Variants in PHF21B observed in about 807,000 individuals in gnomAD.
PHF21B encodes PHD finger protein 21B, also known as PHD finger protein 4.
A neutral mutation model predicts 62.2 loss-of-function variants in PHF21B; 22 were observed. The observed-to-expected ratio is 0.35, with a 90% CI of 0.25 to 0.51. The LOEUF (loss-of-function observed/expected upper bound fraction) is 0.51. Ranked by LOEUF, PHF21B falls within the 20% of genes least tolerant of loss-of-function variation. PHF21B has a pLI of 0.97. For synonymous variants in PHF21B, 341 were observed against 314.7 expected, an observed-to-expected ratio of 1.08 and a Z score of -0.88; for missense variants, 701 against 707.9, an observed-to-expected ratio of 0.99 and a Z score of 0.11.
intron 5 of PHF21B, 35 bp downstream of exon 5, chr22:44,913,787 G>T (rs1377532623): frequency 6.3e-7 from 1 of 1,591,264 alleles, no homozygotes; most frequent in Non-Finnish European, 8.6e-7. Flanking sequence ...TGCAGACTGA[G>T]CAGGGCCTGG....
chr22:44,969,675 GAA>G (rs1177013713), intron 2 of PHF21B, among the ~76,000 whole-genome samples: 3 of 150,192 alleles, frequency 2.0e-5, no homozygotes, highest in Admixed American at 1.3e-4. Flanking sequence ...CAAAAAAAAA[GAA>G]AAAGAAAAAG....
At chr22:44,972,598 CT>C (rs2072660896) in intron 2 of PHF21B, among the ~76,000 whole-genome samples, 1 of 152,240 alleles carries the variant, frequency 6.6e-6, no homozygotes, top group African/African-American at 2.4e-5. Flanking sequence ...CCTGACATGG[CT>C]CCTCAGTGGA....
intron 2 of PHF21B, among the ~76,000 whole-genome samples, chr22:44,995,681 G>A (rs550746434): frequency 9.0e-4 from 137 of 152,228 alleles, no homozygotes; most frequent in African/African-American, 3.1e-3. Flanking sequence ...TCTTCGGCGC[G>A]TCGAGTCTGA....
chr22:45,008,515 C>A (rs2073367108), intron 2 of PHF21B, 30 bp downstream of exon 2: 5 of 1,531,736 alleles, frequency 3.3e-6, no homozygotes, highest in Non-Finnish European at 4.4e-6. Flanking sequence ...CCCGCCCCAT[C>A]CCAGGGGGGG....
At chr22:44,891,463 C>G (rs1185133214) in intron 7 of PHF21B, 103 bp from the exon 8 acceptor site, 1 of 1,374,618 alleles carries the variant, frequency 7.3e-7, no homozygotes, top group East Asian at 2.4e-5. Flanking sequence ...GGGTTCCCAC[C>G]CAGGGCTCCA....
At chr22:44,938,707 A>G (rs1696984750) in intron 2 of PHF21B, among the ~76,000 whole-genome samples, 1 of 152,194 alleles carries the variant, frequency 6.6e-6, no homozygotes. Flanking sequence ...TCTGGAATGG[A>G]ATCAATATTC....
At chr22:44,899,040 T>C (rs1385724210) in intron 5 of PHF21B, among the ~76,000 whole-genome samples, 1 of 152,198 alleles carries the variant, frequency 6.6e-6, no homozygotes, top group African/African-American at 2.4e-5. Flanking sequence ...CTCAAGGCTT[T>C]AGGGTCTATT....
chr22:44,923,552 A>T (rs972396782), intron 2 of PHF21B, among the ~76,000 whole-genome samples: 5 of 152,206 alleles, frequency 3.3e-5, no homozygotes, highest in African/African-American at 4.8e-5. Context: ...ATGGAAAGAG[A>T]ATGTTAGGAA....
chr22:44,938,952 A>G (rs1480831865), intron 2 of PHF21B, among the ~76,000 whole-genome samples: 1 of 152,234 alleles, frequency 6.6e-6, no homozygotes, highest in East Asian at 1.9e-4. Context: ...GAAAAGCAGG[A>G]GCTGGTTGAG....
At chr22:44,952,698 T>C (rs1189465395) in intron 2 of PHF21B, among the ~76,000 whole-genome samples, 1 of 152,234 alleles carries the variant, frequency 6.6e-6, no homozygotes, top group Non-Finnish European at 1.5e-5. Context: ...ATGTTTACAG[T>C]TGAAAAAGAG....
chr22:44,920,822 C>T (rs1447520487), intron 2 of PHF21B, among the ~76,000 whole-genome samples: 1 of 152,170 alleles, frequency 6.6e-6, no homozygotes, highest in Non-Finnish European at 1.5e-5. Context: ...GGTGTGATGT[C>T]GCTACGATCT....
At chr22:44,884,698 C>A (rs1015705158) in intron 12 of PHF21B, among the ~76,000 whole-genome samples, 3 of 150,896 alleles carry the variant, frequency 2.0e-5, no homozygotes, top group Non-Finnish European at 3.0e-5. Context: ...ATCATTACAA[C>A]CATCACCATC....
chr22:44,951,330 T>C (rs1569249649), intron 2 of PHF21B, among the ~76,000 whole-genome samples: 1 of 152,204 alleles, frequency 6.6e-6, no homozygotes, highest in South Asian at 2.1e-4. Flanking sequence ...TTCGTGTTCC[T>C]ATGAAAATCG....
chr22:44,982,479 A>G (rs1243122085), intron 2 of PHF21B, among the ~76,000 whole-genome samples: 2 of 152,134 alleles, frequency 1.3e-5, no homozygotes, highest in Non-Finnish European at 2.9e-5. Context: ...GGCACAGGCC[A>G]GCCAGCCAAG....
At chr22:44,931,797 T>A (rs1894520) in intron 2 of PHF21B, among the ~76,000 whole-genome samples, 1 of 151,918 alleles carries the variant, frequency 6.6e-6, no homozygotes, top group African/African-American at 2.4e-5. Context: ...AAACGGCCAC[T>A]TCTGCATCTA....
At chr22:45,008,035 C>T (rs1301219848) in intron 2 of PHF21B, 3 of 152,230 alleles carry the variant, frequency 2.0e-5, no homozygotes, top group African/African-American at 7.2e-5. Flanking sequence ...CTTTTGTTCC[C>T]CGGGAGCTGG....
At position 45,009,468 on chromosome 22, in the gene PHF21B, GC is replaced by G; in HGVS notation, c.54+27del. ...CCCTCACCCCGCAACACACTCCCCG[GC>G]CCCGGGCCCGGCCCCCGGCCACCTA... On this transcript the variant is annotated intron_variant, in intron 1 of 12. Coordinates refer to ENST00000313237, the MANE Select transcript of PHF21B (RefSeq NM_138415.5). This position sits in a 1 kb window ranked among gnomAD's most constrained non-coding sequence, Gnocchi z 5.9. The G allele has an allele frequency of 6.6e-7, 1 of 1,524,968 alleles. No individual in the cohort carries two copies. 94.5% of individuals were successfully genotyped at this position (1,524,968 alleles called of 1,614,324 possible).
chr22:44,996,464 G>A (rs1056169554), intron 2 of PHF21B, among the ~76,000 whole-genome samples: 12 of 151,972 alleles, frequency 7.9e-5, no homozygotes, highest in African/African-American at 2.7e-4. Flanking sequence ...CAGACTGGGG[G>A]CGGAAATCAG....
Position 44,882,619 on chromosome 22 carries a change from C to T in PHF21B, c.*467G>A, listed in dbSNP as rs3810628. 0.62 allele frequency: 94,274 copies of T among 151,248 alleles called. 29,437 individuals are homozygous for T. The highest frequency in any genetic ancestry group is 0.69 in the African/African-American group (28,291 of 40,910). The allele number at this position is 151,248 out of a possible 1,614,324, so 9.4% of individuals were successfully genotyped here. On this transcript the variant is annotated 3_prime_UTR_variant, in exon 13 of 13. Transcript: ENST00000313237. ...CTAGATCCACTACCCCGCTTCTCGT[C>T]CCAACTACCGCTACCACTCAGCTAG... is the stretch of plus-strand genomic sequence containing the variant.
Sources: gnomAD v4.1 joint callset for allele counts (sites outside exome capture counted in the v4.1 genomes callset) on GRCh38, gnomAD v4.1.1 for gene constraint, Gnocchi (gnomAD v3.1) non-coding constraint, MANE v1.5 for transcripts, NCBI Gene and HGNC (gene_info 2026-07-23, HGNC 2026-07-21) for gene names.